SCN11A: variants seen among roughly 807,000 people sequenced by gnomAD.
SCN11A encodes sodium channel protein type 11 subunit alpha.
In SCN11A, 122 loss-of-function variants were observed where a neutral mutation model predicts 162.2. The ratio of observed to expected loss-of-function variants is 0.75; its 90% confidence interval spans 0.65 to 0.87. The LOEUF is 0.87. Among genes scored for constraint, SCN11A ranks in the 40% least tolerant of loss-of-function variants. SCN11A has a pLI of 0.00. For synonymous variants in SCN11A, 758 were observed against 751.5 expected, an observed-to-expected ratio of 1.01 and a Z score of -0.14; for missense variants, 2,015 against 2,181.6, an observed-to-expected ratio of 0.92 and a Z score of 1.52.
intron 4 of SCN11A, 50 bp from the exon 5 acceptor site, chr3:38,950,419 GA>G: frequency 6.4e-7 from 1 of 1,566,336 alleles, no homozygotes; most frequent in Non-Finnish European, 8.8e-7. Context: ...CAGGAGGCGG[GA>G]ATAAAACAGC....
intron 28 of SCN11A, among the ~76,000 whole-genome samples, chr3:38,859,971 C>A (rs1164029113): frequency 6.6e-6 from 1 of 152,120 alleles, no homozygotes; most frequent in Non-Finnish European, 1.5e-5. Flanking sequence ...TACTGTAAAA[C>A]CTAAGATCAG....
rs1484868637 is a variant in SCN11A, at chr3:38,847,623, T to G, written c.4447A>C (p.Ile1483Leu). 6.2e-7 allele frequency: 1 copy of G among 1,614,166 alleles called. No homozygotes were observed. Reference protein sequence around the residue: ...ILRLVRAARGIRTLLFALMMS... With the variant: ...ILRLVRAARGLRTLLFALMMS... ...ATCAGAGCAAAGAGGAGAGTCCTGA[T>G]TCCTCGTGCAGCCCGGACAAGCCTC... Residue 1483 changes from isoleucine (I) to leucine (L), a missense_variant, in exon 30 of 30, where the codon ATC (isoleucine) becomes CTC (leucine). Physicochemically the swap from Ile to Leu is conservative, Grantham distance 5. Transcript: ENST00000302328.
intron 16 of SCN11A, 37 bp from the exon 17 acceptor site, chr3:38,900,110 G>A (rs1249189673): frequency 5.8e-6 from 9 of 1,550,832 alleles, no homozygotes; most frequent in Non-Finnish European, 8.0e-6. Context: ...GAAGGAAGCT[G>A]CGGAGATAAC....
intron 7 of SCN11A, among the ~76,000 whole-genome samples, chr3:38,936,293 C>A (rs2066330621): frequency 6.6e-6 from 1 of 151,456 alleles, no homozygotes; most frequent in Admixed American, 6.6e-5. Context: ...GGAAGCATTC[C>A]CTTTGAAAAC....
intron 28 of SCN11A, among the ~76,000 whole-genome samples, chr3:38,854,284 T>C (rs1368332184): frequency 2.0e-5 from 3 of 152,180 alleles, no homozygotes; most frequent in Non-Finnish European, 2.9e-5. Flanking sequence ...CAGCAAAGAC[T>C]GAAATATTTA....
chr3:38,848,454 G>A (rs1559483820), intron 29 of SCN11A, among the ~76,000 whole-genome samples: 1 of 152,100 alleles, frequency 6.6e-6, no homozygotes, highest in Non-Finnish European at 1.5e-5. Context: ...GTCCTGTAAG[G>A]TCACTAGGGG....
At chr3:38,951,579 G>C (rs1019168901) in intron 4 of SCN11A, among the ~76,000 whole-genome samples, 1 of 152,266 alleles carries the variant, frequency 6.6e-6, no homozygotes, top group South Asian at 2.1e-4. Flanking sequence ...CTGCGGCCCC[G>C]GTGCGGGATC....
At chr3:38,856,640 G>A (rs920560202) in intron 28 of SCN11A, among the ~76,000 whole-genome samples, 1 of 152,164 alleles carries the variant, frequency 6.6e-6, no homozygotes, top group Non-Finnish European at 1.5e-5. Flanking sequence ...CTTAGCCATA[G>A]CCAATGCCTA....
chr3:39,031,621 T>C (rs982872141), intron 2 of SCN11A, among the ~76,000 whole-genome samples: 1 of 152,074 alleles, frequency 6.6e-6, no homozygotes, highest in Non-Finnish European at 1.5e-5. Flanking sequence ...ACAAAAATAG[T>C]ACACAACTTT....
chr3:38,865,883 G>C (rs1033233359), intron 27 of SCN11A, among the ~76,000 whole-genome samples: 2 of 152,004 alleles, frequency 1.3e-5, no homozygotes, highest in African/African-American at 4.8e-5. Context: ...TTCCCCACCA[G>C]TCTAAAAAAG....
intron 5 of SCN11A, 33 bp downstream of exon 5, chr3:38,950,063 A>ACAC: frequency 4.8e-5 from 3 of 62,402 alleles, no homozygotes; most frequent in South Asian, 2.1e-4. Context: ...GAACACCCCC[A>ACAC]CCCCCACCCC....
Position 39,010,378 on chromosome 3 carries a change from C to CTTTTTTT in SCN11A, c.-280+22001_-280+22002insAAAAAAA, listed in dbSNP as rs201494677. Among the ~76,000 whole-genome samples, 4 of 120,752 alleles carry CTTTTTTT rather than the reference C, an allele frequency of 3.3e-5. 2 individuals carry two copies. Among genetic ancestry groups the CTTTTTTT allele is most frequent in the African/African-American group, 1.7e-4 (4 of 23,110 alleles). The allele number at this position is 120,752 out of a possible 152,430, so 79.2% of individuals were successfully genotyped here. ...AGTACAAACAGAAGTTTTAGTTTTTCTTTTTTCTTTTTTTTTTTTGAGACA... is the reference window on the plus strand; with the variant it reads ...AGTACAAACAGAAGTTTTAGTTTTTCTTTTTTTTTTTTTCTTTTTTTTTTTTGAGACA... On this transcript the variant is annotated intron_variant, in intron 2 of 29. Transcript: ENST00000302328.
Position 38,945,459 on chromosome 3 carries a change from G to C in SCN11A, c.440C>G (p.Ala147Gly), listed in dbSNP as rs771769570. Residue 147 changes from alanine to glycine, a missense_variant, in exon 7 of 30, where the codon GCT becomes GGT. Physicochemically the swap from Ala to Gly is moderately conservative, Grantham distance 60. Transcript: ENST00000302328. ...GTTGCTGTTTTTAGCAGGCCCTGTA[G>C]CCATGAACACGCAGTTGATGATAAC... ...GTVIINCVFM[A>G]TGPAKNSNSN... is the part of the protein sequence containing the mutation. 2.0e-5 allele frequency: 32 copies of C among 1,602,542 alleles called. No homozygotes were observed. Among genetic ancestry groups the C allele is most frequent in the Non-Finnish European group, 2.6e-5 (31 of 1,172,020 alleles).
chr3:38,874,142 G>A (rs1287611806), intron 23 of SCN11A, among the ~76,000 whole-genome samples: 2 of 152,144 alleles, frequency 1.3e-5, no homozygotes, highest in African/African-American at 2.4e-5. Flanking sequence ...ACTTAATATA[G>A]TGCGAAATAT....
rs149009353 is a variant in SCN11A, at chr3:38,946,797, T to C, written c.378A>G (p.Ser126=). 1.4e-5 allele frequency: 22 copies of C among 1,604,464 alleles called. No homozygotes were observed. Among genetic ancestry groups the C allele is most frequent in the Non-Finnish European group, 1.8e-5 (21 of 1,171,894 alleles). ...GTGCAATGAAAGGATATGAATGGAC[T>C]GAGACTCTAATGGCTAAACTTCTGA... is the stretch of plus-strand genomic sequence containing the variant. ...NSIRSLAIRV[S]VHSLFSMFII... Residue 126 remains serine, a synonymous_variant, in exon 6 of 30, where the codon TCA becomes TCG. Transcript: ENST00000302328.
chr3:39,047,636 G>A (rs1456585190), intron 1 of SCN11A, among the ~76,000 whole-genome samples: 1 of 151,936 alleles, frequency 6.6e-6, no homozygotes, highest in East Asian at 1.9e-4. Context: ...CATCCAACAA[G>A]GAATTAATAT....
chr3:38,916,800 G>A (rs948186015), intron 11 of SCN11A, among the ~76,000 whole-genome samples: 4 of 152,088 alleles, frequency 2.6e-5, no homozygotes, highest in East Asian at 1.9e-4. Flanking sequence ...TTGTAGTCAC[G>A]GTGAATTAGT....
chr3:38,957,267 G>T (rs1317518048), intron 3 of SCN11A, among the ~76,000 whole-genome samples: 4 of 152,158 alleles, frequency 2.6e-5, no homozygotes, highest in Admixed American at 6.5e-5. Context: ...GAGCATAGGT[G>T]AAAGTGGAGA....
At chr3:38,868,719 G>T (rs2065079587) in intron 26 of SCN11A, among the ~76,000 whole-genome samples, 1 of 152,214 alleles carries the variant, frequency 6.6e-6, no homozygotes, top group Non-Finnish European at 1.5e-5. Flanking sequence ...TTGGAATGCA[G>T]TAAATTGAGG....
Sources: allele counts gnomAD v4.1 joint callset (sites outside exome capture counted in the v4.1 genomes callset), GRCh38; gene constraint gnomAD v4.1.1; transcripts MANE v1.5; gene names NCBI Gene and HGNC (gene_info 2026-07-23, HGNC 2026-07-21).